SPTAN1: variants seen among roughly 807,000 people sequenced by gnomAD.
SPTAN1 encodes spectrin alpha chain, non-erythrocytic 1.
Under a neutral mutation model 331.3 loss-of-function variants are expected in SPTAN1, and 61 were observed. That is an observed-to-expected ratio of 0.18 (90% CI 0.15 to 0.23). The LOEUF (loss-of-function observed/expected upper bound fraction) is 0.23, where lower values mean the gene tolerates loss of function less well. SPTAN1 is among the 10% of genes least tolerant of loss of function. SPTAN1 has a pLI of 1.00. For synonymous variants in SPTAN1, 1,153 were observed against 1,173.9 expected (o/e 0.98, Z 0.36); for missense variants, 2,043 against 3,147.9 (o/e 0.65, Z 8.40).
intron 23 of SPTAN1, 117 bp from the exon 24 acceptor site, chr9:128,594,055 CATT>C: frequency 1.1e-6 from 1 of 910,328 alleles, no homozygotes; most frequent in South Asian, 1.4e-5. Flanking sequence ...AGGGCATCAT[CATT>C]ACAAACTCGT....
At chr9:128,564,728 G>A (rs545797428) in intron 1 of SPTAN1, among the ~76,000 whole-genome samples, 1 of 152,294 alleles carries the variant, frequency 6.6e-6, no homozygotes, top group South Asian at 2.1e-4. Context: ...ATTGGGTACA[G>A]TTTAGTAAAG....
intron 18 of SPTAN1, among the ~76,000 whole-genome samples, chr9:128,585,369 A>G (rs1392349950): frequency 2.0e-5 from 3 of 151,894 alleles, no homozygotes; most frequent in Admixed American, 6.6e-5. Flanking sequence ...GGATGACAGC[A>G]CCTCTCCTGA....
At chr9:128,567,077 A>G (rs1362930022) in intron 2 of SPTAN1, 100 bp downstream of exon 2, 1 of 1,519,264 alleles carries the variant, frequency 6.6e-7, no homozygotes, top group Non-Finnish European at 9.0e-7. Flanking sequence ...ACCTTGAGAG[A>G]TTGGACAAGA....
chr9:128,588,820 C>T lies in SPTAN1; in HGVS notation c.2883C>T (p.Ala961=), dbSNP rs776576977. 1 of 1,613,996 alleles carries T rather than the reference C, an allele frequency of 6.2e-7. No homozygotes were observed. Among genetic ancestry groups the T allele is most frequent in the South Asian group, 1.1e-5 (1 of 91,066 alleles). The change falls in exon 21 of 57, where the codon GCC becomes GCT. Residue 961 remains alanine (A), a synonymous_variant. Transcript: ENST00000372739. ...CTTTGGATTTTTAGCAACAAGTGGC[C>T]CCCACGGATGATGAGACTGGGAAGG... ...EQAQSCRQQV[A]PTDDETGKEL...
rs1270344556 is a variant in SPTAN1, at chr9:128,611,718, A to G, written c.4778A>G (p.Lys1593Arg). Residue 1593 changes from lysine (K) to arginine (R), a missense_variant, in exon 38 of 57, where the codon AAG (lysine) becomes AGG (arginine). This residue lies in a region of SPTAN1 where 323 missense variants were observed against 581.1 expected (regional missense o/e 0.56). Transcript: ENST00000372739. ...AAATTTTTTTGGTATTTTTAGAGCA[A>G]GCACCAGAAGCACCAGGCTTTTGAA... ...TNIQLSKLLSKHQKHQAFEAE... is the reference protein window; with the variant it reads ...TNIQLSKLLSRHQKHQAFEAE... 4 of 1,614,128 alleles carry G rather than the reference A, an allele frequency of 2.5e-6. No individual in the cohort carries two copies. The highest frequency in any genetic ancestry group is 3.4e-6 in the Non-Finnish European group (4 of 1,180,042).
At position 128,617,382 on chromosome 9, in the gene SPTAN1, G is replaced by T. The variant is rs567546193; in HGVS notation, c.5358-258G>T. Among the ~76,000 whole-genome samples the T allele has an allele frequency of 4.6e-5, 7 of 152,272 alleles. No individual in the cohort carries two copies. In the South Asian group the frequency reaches 1.0e-3, roughly 23 times the overall value. On this transcript the variant is annotated intron_variant, in intron 41 of 56. Transcript: ENST00000372739. The stretch of plus-strand genomic sequence containing the variant: ...GATAGGGCTCCTCAGGGCAGCACTA[G>T]TGATGCCTCCCATCCTCCAGTGCAT...
rs577494787 is a variant in SPTAN1 at position 128,556,220 on chromosome 9, C to CA, written c.-4+3535dup. ...CAGGTGACAGTGCGAGACTCTGTCT[C>CA]AAAAAAAAAAATTAAAAAACAGCTC... On this transcript the variant is annotated intron_variant, in intron 1 of 56. Coordinates refer to ENST00000372739, the MANE Select transcript of SPTAN1 (RefSeq NM_001130438.3). 2.3e-3 allele frequency among the ~76,000 whole-genome samples: 313 copies of CA among 137,262 alleles called. 3 individuals carry two copies. The highest frequency in any genetic ancestry group is 0.011 in the South Asian group (48 of 4,420). The allele number at this position is 137,262 out of a possible 152,430, so 90.0% of individuals were successfully genotyped here.
chr9:128,585,444 G>A (rs1467610286), intron 18 of SPTAN1, among the ~76,000 whole-genome samples: 1 of 152,174 alleles, frequency 6.6e-6, no homozygotes, highest in African/African-American at 2.4e-5. Context: ...GCACGTGCCA[G>A]TCTCAGTAAC....
At chr9:128,617,605 G>A (rs1167471982) in intron 41 of SPTAN1, 35 bp from the exon 42 acceptor site, 3 of 1,614,010 alleles carry the variant, frequency 1.9e-6, no homozygotes, top group Non-Finnish European at 2.5e-6. Flanking sequence ...GGGAGGTGCA[G>A]AGACTGACTG....
intron 49 of SPTAN1, 100 bp downstream of exon 49, chr9:128,626,787 G>C: frequency 1.7e-6 from 2 of 1,206,628 alleles, no homozygotes; most frequent in Non-Finnish European, 2.3e-6. Flanking sequence ...AAGACGAGCA[G>C]GATGGAGGAG....
intron 23 of SPTAN1, 178 bp downstream of exon 23, chr9:128,593,220 GTCGATGACTGCTTATC>G: frequency 1.4e-6 from 1 of 697,390 alleles, no homozygotes; most frequent in Non-Finnish European, 2.6e-6. Flanking sequence ...AGCTGTGTCG[GTCGATGACTGCTTATC>G]TCATTGGTTG....
rs934946601 is a variant in SPTAN1, at chr9:128,564,291, C to T, written c.-3-2447C>T. ...AAAATTAGCTAGGCACCATGATGGG[C>T]GCCTGTAATCCCAGCTACTTGGGAG... On this transcript the variant is annotated intron_variant, in intron 1 of 56. Coordinates refer to ENST00000372739, the MANE Select transcript of SPTAN1 (RefSeq NM_001130438.3). Among the ~76,000 whole-genome samples the T allele has an allele frequency of 5.3e-5, 8 of 152,000 alleles. 1 individual carries two copies. Among genetic ancestry groups the T allele is most frequent in the Non-Finnish European group, 8.8e-5 (6 of 68,016 alleles).
intron 52 of SPTAN1, chr9:128,630,780 C>G (rs1397189619): frequency 4.7e-6 from 1 of 214,856 alleles, no homozygotes; most frequent in African/African-American, 2.3e-5. Flanking sequence ...TCTTGGCTCA[C>G]TGCAACCTCC....
Position 128,605,423 on chromosome 9 carries a change from G to T in SPTAN1, c.3992G>T (p.Arg1331Leu), listed in dbSNP as rs1456402365. 6.2e-7 allele frequency: 1 copy of T among 1,614,188 alleles called. No individual in the cohort carries two copies. Among genetic ancestry groups the T allele is most frequent in the Non-Finnish European group, 8.5e-7 (1 of 1,180,036 alleles). The change falls in exon 31 of 57, where the codon CGC becomes CTC. Residue 1331 changes from arginine to leucine, a missense_variant. This residue lies in a region of SPTAN1 where 179 missense variants were observed against 215.7 expected (regional missense o/e 0.83). Transcript: ENST00000372739. ...AGCCTGGGGAAACGTGCAGATCAGC[G>T]CAAGGCAAAGTTGGGTGACTCCCAC... ...WSSLGKRADQ[R>L]KAKLGDSHDL...
At chr9:128,561,523 C>T (rs1241483422) in intron 1 of SPTAN1, among the ~76,000 whole-genome samples, 1 of 150,384 alleles carries the variant, frequency 6.6e-6, no homozygotes, top group Non-Finnish European at 1.5e-5. Flanking sequence ...ATTAGCCGGG[C>T]GAGGTGGTGG....
At chr9:128,553,874 A>T (rs117767685) in intron 1 of SPTAN1, among the ~76,000 whole-genome samples, 3 of 152,164 alleles carry the variant, frequency 2.0e-5, no homozygotes, top group Non-Finnish European at 4.4e-5. Flanking sequence ...CGTCATAGCA[A>T]TTGGCCTTAA....
Position 128,552,817 on chromosome 9 carries a change from G to C in SPTAN1, c.-4+121G>C, listed in dbSNP as rs886693941. ...CGGCGCGCGGACAGGTGAGCCGGGC[G>C]GGCCGCGGGGCTGCCTCCATTCGGC... On this transcript the variant is annotated intron_variant, in intron 1 of 56. Coordinates refer to ENST00000372739, the MANE Select transcript of SPTAN1 (RefSeq NM_001130438.3). This position sits in a 1 kb window ranked among gnomAD's most constrained non-coding sequence, Gnocchi z 4.6. 1.3e-5 allele frequency: 2 copies of C among 152,262 alleles called. No homozygotes were observed. The highest frequency in any genetic ancestry group is 2.1e-4 in the South Asian group (1 of 4,834). The allele number at this position is 152,262 out of a possible 1,614,324, so 9.4% of individuals were successfully genotyped here.
chr9:128,568,773 G>A lies in SPTAN1; in HGVS notation c.239G>A (p.Gly80Glu), dbSNP rs1313891179. The A allele has an allele frequency of 1.2e-6, 2 of 1,614,054 alleles. No homozygotes were observed. Among genetic ancestry groups the A allele is most frequent in the Non-Finnish European group, 1.7e-6 (2 of 1,179,950 alleles). ...GCTCACTTCAAGGTCCGCCAACAGG[G>A]AAAGCTTCAGAAGCATCAAGCATTT... is the stretch of plus-strand genomic sequence containing the variant. ...ENYKDPTNLQ[G>E]KLQKHQAFEA... The change falls in exon 3 of 57, where the codon GGA becomes GAA. Residue 80 changes from glycine to glutamate, a missense_variant and splice_region_variant. Physicochemically the swap from Gly to Glu is moderately conservative, Grantham distance 98 (BLOSUM62 -2). Around this residue, in one of 12 missense-constraint regions of SPTAN1, gnomAD observed 1,038 missense variants for 1,531.5 expected, o/e 0.68. Transcript: ENST00000372739.
chr9:128,607,412 G>C (rs1446373559), intron 31 of SPTAN1, among the ~76,000 whole-genome samples, 192 bp from the exon 32 acceptor site: 1 of 152,152 alleles, frequency 6.6e-6, no homozygotes, highest in African/African-American at 2.4e-5. Context: ...TTTCCTCTGA[G>C]AAATTCGGAC....
Sources: gnomAD v4.1 joint callset for allele counts (sites outside exome capture counted in the v4.1 genomes callset) on GRCh38, gnomAD v4.1.1 for gene constraint, gnomAD v4.1.1 regional missense constraint, Gnocchi (gnomAD v3.1) non-coding constraint, MANE v1.5 for transcripts, NCBI Gene and HGNC (gene_info 2026-07-23, HGNC 2026-07-21) for gene names.